MOXD1: variants seen among roughly 807,000 people sequenced by gnomAD.
The protein encoded by MOXD1 is DBH-like monooxygenase protein 1.
A neutral mutation model predicts 66.6 loss-of-function variants in MOXD1; 62 were observed. The ratio of observed to expected loss-of-function variants is 0.93; its 90% confidence interval spans 0.76 to 1.15. The LOEUF is 1.15. Among genes scored for constraint, MOXD1 ranks in the 50% most tolerant of loss-of-function variants. The pLI, the probability that MOXD1 is intolerant of heterozygous loss-of-function variation, is 0.00. For synonymous variants in MOXD1, 303 were observed against 281.9 expected, an observed-to-expected ratio of 1.07 and a Z score of -0.75; for missense variants, 847 against 754.6, an observed-to-expected ratio of 1.12 and a Z score of -1.44.
chr6:132,377,180 A>G (rs972194329), intron 1 of MOXD1, among the ~76,000 whole-genome samples: 1 of 152,212 alleles, frequency 6.6e-6, no homozygotes, highest in African/African-American at 2.4e-5. Context: ...GTTTGTCAAA[A>G]TTCTTATTTT....
At chr6:132,349,987 C>T (rs1285233615) in intron 4 of MOXD1, among the ~76,000 whole-genome samples, 2 of 151,978 alleles carry the variant, frequency 1.3e-5, no homozygotes, top group Non-Finnish European at 2.9e-5. Context: ...TGTTTTCTTA[C>T]TGATTTGTTT....
At chr6:132,393,951 C>T (rs1322051636) in intron 1 of MOXD1, among the ~76,000 whole-genome samples, 1 of 152,216 alleles carries the variant, frequency 6.6e-6, no homozygotes, top group Non-Finnish European at 1.5e-5. Context: ...CACTTGGGTT[C>T]CAGAAAGTTG....
At position 132,312,941 on chromosome 6, in the gene MOXD1, T is replaced by C. The variant is rs1774863379; in HGVS notation, c.1508+2694A>G. ...TTTCCATTCAATATGTAAAAAATAT[T>C]CTAAATGAGAAAAAGACTACTCAAG... On this transcript the variant is annotated intron_variant, in intron 10 of 11. Transcript: ENST00000367963. 2.6e-5 allele frequency among the ~76,000 whole-genome samples: 4 copies of C among 152,150 alleles called. No homozygotes were observed. The South Asian group carries it at 8.3e-4, about 32-fold the overall frequency.
At position 132,352,964 on chromosome 6, in the gene MOXD1, C is replaced by T. The variant is rs193279240; in HGVS notation, c.663+19644G>A. On this transcript the variant is annotated intron_variant, in intron 4 of 11. Coordinates refer to ENST00000367963, the MANE Select transcript of MOXD1 (RefSeq NM_015529.4). ...TCTGATGTAAGAATAGCTACCCCTGCTTGCTTTTGACGTCCATTTGCATGA... is the reference window on the plus strand; with the variant it reads ...TCTGATGTAAGAATAGCTACCCCTGTTTGCTTTTGACGTCCATTTGCATGA... 2.6e-5 allele frequency among the ~76,000 whole-genome samples: 4 copies of T among 152,278 alleles called. No individual in the cohort carries two copies. The East Asian group carries it at 7.7e-4, about 29-fold the overall frequency.
intron 9 of MOXD1, 103 bp from the exon 10 acceptor site, chr6:132,315,880 T>G (rs1774939561): frequency 8.4e-7 from 1 of 1,185,306 alleles, no homozygotes; most frequent in East Asian, 2.5e-5. Flanking sequence ...ATATTAAAAT[T>G]TAATACATCT....
intron 4 of MOXD1, among the ~76,000 whole-genome samples, chr6:132,328,920 C>CT (rs1775251958): frequency 6.6e-6 from 1 of 151,970 alleles, no homozygotes; most frequent in Non-Finnish European, 1.5e-5. Context: ...AAATTGCTTG[C>CT]TTTTTTCCAG....
chr6:132,328,537 GAT>G lies in MOXD1; in HGVS notation c.719_720del (p.Tyr240SerfsTer7). 6.2e-7 allele frequency: 1 copy of G among 1,614,118 alleles called. No homozygotes were observed. Among genetic ancestry groups the G allele is most frequent in the African/African-American group, 1.3e-5 (1 of 75,024 alleles). ...CTGTCGTTAAAGTTGTTGCTGCACTGATAGAGCAGGATGTGGTGCACCAGACT... is the reference window on the plus strand; with the variant it reads ...CTGTCGTTAAAGTTGTTGCTGCACTGAGAGCAGGATGTGGTGCACCAGACT... ...HESLVHHILL[Y>X]QCSNNFNDSV... On this transcript the variant is annotated frameshift_variant, in exon 5 of 12. Transcript: ENST00000367963. LOFTEE classifies it high-confidence loss of function.
intron 4 of MOXD1, among the ~76,000 whole-genome samples, chr6:132,354,512 T>C (rs1351311936): frequency 6.6e-6 from 1 of 152,226 alleles, no homozygotes; most frequent in Admixed American, 6.5e-5. Context: ...GAACTGTCTA[T>C]GGGCCTCTCA....
rs1775574445 is a variant in MOXD1, at chr6:132,342,055, T to C, written c.664-13461A>G. ...TCTCGCTCTGTTGCCCAAGCTGGAG[T>C]TCAGAGGTGTGATCTCGGCTCACTG... On this transcript the variant is annotated intron_variant, in intron 4 of 11. Transcript: ENST00000367963. Among the ~76,000 whole-genome samples, 3 of 152,080 alleles carry C rather than the reference T, an allele frequency of 2.0e-5. No individual in the cohort carries two copies. The East Asian group carries it at 5.8e-4, about 29-fold the overall frequency.
chr6:132,354,729 G>A (rs1004168115), intron 4 of MOXD1, among the ~76,000 whole-genome samples: 1 of 152,180 alleles, frequency 6.6e-6, no homozygotes, highest in African/African-American at 2.4e-5. Flanking sequence ...AGAGTATATA[G>A]CGTTTGTCTT....
At chr6:132,312,018 C>A (rs1774841207) in intron 10 of MOXD1, among the ~76,000 whole-genome samples, 1 of 152,004 alleles carries the variant, frequency 6.6e-6, no homozygotes, top group African/African-American at 2.4e-5. Context: ...TTACTTACAT[C>A]TCACCAGACC....
chr6:132,317,642 A>G (rs1173399891), intron 9 of MOXD1, among the ~76,000 whole-genome samples: 1 of 152,168 alleles, frequency 6.6e-6, no homozygotes, highest in African/African-American at 2.4e-5. Flanking sequence ...GAGGGTATCA[A>G]GACAGTGCAC....
At chr6:132,333,563 T>C (rs1359056823) in intron 4 of MOXD1, among the ~76,000 whole-genome samples, 1 of 152,140 alleles carries the variant, frequency 6.6e-6, no homozygotes, top group East Asian at 1.9e-4. Context: ...GACACTGGAA[T>C]GAACATTTAA....
intron 1 of MOXD1, among the ~76,000 whole-genome samples, chr6:132,385,496 T>TTAC (rs570860609): frequency 6.8e-6 from 1 of 146,262 alleles, no homozygotes; most frequent in Non-Finnish European, 1.5e-5. Flanking sequence ...ATTATTATTA[T>TTAC]TATTAGAGAC....
intron 10 of MOXD1, among the ~76,000 whole-genome samples, chr6:132,313,047 T>C (rs1774865650): frequency 8.7e-6 from 1 of 115,588 alleles, no homozygotes; most frequent in African/African-American, 5.3e-5. Flanking sequence ...TTTTATGTGA[T>C]GCTTGGATTT....
At chr6:132,392,107 A>C (rs1776777913) in intron 1 of MOXD1, 1 of 1,412,858 alleles carries the variant, frequency 7.1e-7, no homozygotes, top group African/African-American at 1.4e-5. Flanking sequence ...TTTGCTTTCC[A>C]AACATTTCTT....
At chr6:132,332,947 G>A (rs1775354271) in intron 4 of MOXD1, among the ~76,000 whole-genome samples, 1 of 152,080 alleles carries the variant, frequency 6.6e-6, no homozygotes, top group Non-Finnish European at 1.5e-5. Context: ...ACTTTCTGAT[G>A]TGCTGGGTAA....
At chr6:132,308,774 T>A (rs969421617) in intron 10 of MOXD1, among the ~76,000 whole-genome samples, 3 of 152,112 alleles carry the variant, frequency 2.0e-5, no homozygotes, top group African/African-American at 4.8e-5. Context: ...AAAAACCACA[T>A]GATTATCTCA....
intron 10 of MOXD1, among the ~76,000 whole-genome samples, chr6:132,300,856 T>G (rs1774518512): frequency 6.6e-6 from 1 of 152,134 alleles, no homozygotes; most frequent in Non-Finnish European, 1.5e-5. Flanking sequence ...TCATCTCCTT[T>G]CCACTCCCAC....
Sources: gnomAD v4.1 joint callset for allele counts (sites outside exome capture counted in the v4.1 genomes callset) on GRCh38, gnomAD v4.1.1 for gene constraint, MANE v1.5 for transcripts, NCBI Gene and HGNC (gene_info 2026-07-23, HGNC 2026-07-21) for gene names.